SUGCT: variants seen among roughly 807,000 people sequenced by gnomAD.
SUGCT encodes the protein succinyl-CoA:glutarate CoA-transferase.
Under a neutral mutation model 55.0 loss-of-function variants are expected in SUGCT, and 41 were observed. The ratio of observed to expected loss-of-function variants is 0.74; its 90% CI spans 0.58 to 0.97. The LOEUF (loss-of-function observed/expected upper bound fraction) is 0.97. Ranked by LOEUF, SUGCT falls within the 50% of genes least tolerant of loss-of-function variation. SUGCT has a pLI of 0.00. For missense variants in SUGCT, 568 were observed against 547.8 expected (o/e 1.04, Z -0.37); for synonymous variants, 187 against 200.4 (o/e 0.93, Z 0.56).
In SUGCT at chr7:40,214,356, A is replaced by C. The variant is rs776041724; in HGVS notation, c.484+19296A>C. ...AATGTTAGTCACTGTTCATCACTTT[A>C]TATGTATTACCTGACATAATATTTA... On this transcript the variant is annotated intron_variant, in intron 6 of 13. Transcript: ENST00000335693. Among the ~76,000 whole-genome samples the C allele has an allele frequency of 9.7e-4, 148 of 152,200 alleles. 6 individuals are homozygous for C. The highest frequency in any genetic ancestry group is 3.2e-4 in the Non-Finnish European group (22 of 68,036).
At chr7:41,009,235 T>C in the SUGCT span, among the ~76,000 whole-genome samples, 1 of 148,052 alleles carries the variant, frequency 6.8e-6, no homozygotes, top group Non-Finnish European at 1.5e-5. Flanking sequence ...AAGCAACTTA[T>C]ATGTTAAATG....
the SUGCT span, among the ~76,000 whole-genome samples, chr7:40,924,266 G>GTGTGTA: frequency 0.24 from 4,904 of 20,768 alleles, 111 homozygotes; most frequent in African/African-American, 0.28. Context: ...TTTCAATTAC[G>GTGTGTA]TGTGTGTGTG....
the SUGCT span, among the ~76,000 whole-genome samples, chr7:41,026,160 G>A: frequency 6.6e-6 from 1 of 152,214 alleles, no homozygotes; most frequent in East Asian, 1.9e-4. Flanking sequence ...CCTGCGACCT[G>A]CGTAGGTCTT....
rs1180388154 is a variant in SUGCT at position 40,180,937 on chromosome 7, G to C, written c.101-10G>C. On this transcript the variant is annotated splice_polypyrimidine_tract_variant and intron_variant, in intron 1 of 13. Coordinates refer to ENST00000335693, the MANE Select transcript of SUGCT (RefSeq NM_001193313.2). ...TGAATTATCTTGAAATGTTTTCTCT[G>C]TTTTGCCAGATATGAACAATATAAA... The C allele has an allele frequency of 3.8e-6, 6 of 1,596,034 alleles. No individual in the cohort carries two copies. The highest frequency in any genetic ancestry group is 5.1e-6 in the Non-Finnish European group (6 of 1,165,178).
At chr7:40,195,138 G>C in intron 6 of SUGCT, 78 bp downstream of exon 6, 1 of 1,317,184 alleles carries the variant, frequency 7.6e-7, no homozygotes, top group Non-Finnish European at 9.8e-7. Flanking sequence ...GAAACCTTTT[G>C]CTGGCTTTTT....
At chr7:40,916,070 T>TACACACACAC in the SUGCT span, among the ~76,000 whole-genome samples, 45 of 144,756 alleles carry the variant, frequency 3.1e-4, no homozygotes, top group Admixed American at 1.0e-3. Context: ...TCTCTCTACA[T>TACACACACAC]ACACACACAC....
At chr7:40,259,625 G>A (rs1791083513) in intron 7 of SUGCT, among the ~76,000 whole-genome samples, 1 of 152,118 alleles carries the variant, frequency 6.6e-6, no homozygotes, top group African/African-American at 2.4e-5. Flanking sequence ...ATCACACGAG[G>A]TATATGTGAA....
chr7:40,517,672 T>G (rs1300517909), intron 12 of SUGCT, among the ~76,000 whole-genome samples: 2 of 152,078 alleles, frequency 1.3e-5, no homozygotes, highest in East Asian at 3.9e-4. Flanking sequence ...ATTTAGCAGA[T>G]TTTACCTCTC....
intron 9 of SUGCT, among the ~76,000 whole-genome samples, chr7:40,346,290 TAATC>T (rs1475106736): frequency 1.2e-4 from 18 of 152,138 alleles, no homozygotes; most frequent in African/African-American, 4.1e-4. Context: ...TTTGCCCACT[TAATC>T]TATGAATGTA....
chr7:40,697,711 G>T (rs1269907576), intron 12 of SUGCT, among the ~76,000 whole-genome samples: 1 of 152,138 alleles, frequency 6.6e-6, no homozygotes, highest in Non-Finnish European at 1.5e-5. Context: ...TTAACTACCT[G>T]GTAACATGCC....
intron 12 of SUGCT, among the ~76,000 whole-genome samples, chr7:40,561,263 A>T (rs1252231168): frequency 6.6e-6 from 1 of 152,240 alleles, no homozygotes; most frequent in African/African-American, 2.4e-5. Context: ...AGACCCATGT[A>T]TAACAGCCTT....
intron 8 of SUGCT, among the ~76,000 whole-genome samples, chr7:40,288,325 C>T (rs1793490971): frequency 6.6e-6 from 1 of 151,910 alleles, no homozygotes; most frequent in Non-Finnish European, 1.5e-5. Context: ...TGGGTTGTTC[C>T]CCCACTAAAC....
chr7:40,549,820 G>A (rs1044620158), intron 12 of SUGCT, among the ~76,000 whole-genome samples: 3 of 152,144 alleles, frequency 2.0e-5, no homozygotes, highest in African/African-American at 7.2e-5. Context: ...AAAAAGATGA[G>A]GGGAGTGGAC....
chr7:40,513,603 G>A (rs1793064626), intron 12 of SUGCT, among the ~76,000 whole-genome samples: 1 of 152,208 alleles, frequency 6.6e-6, no homozygotes, highest in South Asian at 2.1e-4. Context: ...AGCAAACACA[G>A]TAAGGCAAGA....
the SUGCT span, among the ~76,000 whole-genome samples, chr7:40,949,939 G>C: frequency 6.6e-5 from 10 of 152,148 alleles, no homozygotes; most frequent in African/African-American, 2.4e-4. Context: ...GGCAATGCAG[G>C]CTCTTTTTTG....
intron 13 of SUGCT, among the ~76,000 whole-genome samples, chr7:40,754,121 A>G (rs6948947): frequency 0.089 from 13,514 of 152,226 alleles, 705 homozygotes; most frequent in Middle Eastern, 0.16. Context: ...TGCTAATGCT[A>G]TTGTTCTTTA....
chr7:40,439,598 G>C (rs7786221), intron 9 of SUGCT, among the ~76,000 whole-genome samples: 1 of 152,056 alleles, frequency 6.6e-6, no homozygotes, highest in African/African-American at 2.4e-5. Flanking sequence ...AACTGGTCCC[G>C]GTGCTACGCC....
chr7:40,772,246 T>G (rs1206685251), intron 13 of SUGCT, among the ~76,000 whole-genome samples: 1 of 152,184 alleles, frequency 6.6e-6, no homozygotes, highest in Non-Finnish European at 1.5e-5. Context: ...GGTTCCCATA[T>G]TCCTGTTACC....
At chr7:40,434,217 A>G (rs1194574740) in intron 9 of SUGCT, among the ~76,000 whole-genome samples, 1 of 152,196 alleles carries the variant, frequency 6.6e-6, no homozygotes, top group Non-Finnish European at 1.5e-5. Context: ...ATCATGGTAG[A>G]TGTGCCCATG....
Sources: gnomAD v4.1 joint callset for allele counts (sites outside exome capture counted in the v4.1 genomes callset) on GRCh38, gnomAD v4.1.1 for gene constraint, MANE v1.5 for transcripts, NCBI Gene and HGNC (gene_info 2026-07-23, HGNC 2026-07-21) for gene names.